Variants in NUBPL observed in about 807,000 individuals in gnomAD.
NUBPL encodes the protein NUBP iron-sulfur cluster assembly factor, mitochondrial.
A neutral mutation model predicts 45.7 loss-of-function variants in NUBPL; 31 were observed. The observed-to-expected ratio is 0.68, with a 90% CI of 0.51 to 0.92. The LOEUF (loss-of-function observed/expected upper bound fraction) is 0.92, where lower values mean the gene tolerates loss of function less well. Ranked by LOEUF, NUBPL falls within the 40% of genes least tolerant of loss-of-function variation. The pLI, the probability that NUBPL is intolerant of heterozygous loss-of-function variation, is 0.00. For missense variants in NUBPL, 401 were observed against 398.7 expected (o/e 1.01, Z -0.05); for synonymous variants, 144 against 140.9 (o/e 1.02, Z -0.15).
At chr14:31,809,239 T>A (rs573142426) in intron 7 of NUBPL, among the ~76,000 whole-genome samples, 105 of 152,322 alleles carry the variant, frequency 6.9e-4, no homozygotes, top group African/African-American at 2.4e-3. Flanking sequence ...TGTGAATCTG[T>A]CTGGTCCTGG....
intron 10 of NUBPL, among the ~76,000 whole-genome samples, chr14:31,852,666 C>T (rs1261589692): frequency 2.0e-5 from 3 of 151,828 alleles, no homozygotes; most frequent in East Asian, 1.9e-4. Flanking sequence ...AGCAAAACTC[C>T]GTCAAAAAAT....
At chr14:31,649,979 C>T (rs1025336292) in intron 4 of NUBPL, among the ~76,000 whole-genome samples, 5 of 152,144 alleles carry the variant, frequency 3.3e-5, no homozygotes, top group African/African-American at 1.2e-4. Context: ...CCTGCCTCAG[C>T]CTCCTGAGTA....
At chr14:31,810,478 T>C (rs1036152451) in intron 7 of NUBPL, among the ~76,000 whole-genome samples, 2 of 152,186 alleles carry the variant, frequency 1.3e-5, no homozygotes, top group Non-Finnish European at 2.9e-5. Flanking sequence ...TGGTAGATCT[T>C]CCTCCATCCC....
chr14:31,606,459 A>C (rs916642076), intron 4 of NUBPL, among the ~76,000 whole-genome samples: 33 of 152,098 alleles, frequency 2.2e-4, no homozygotes, highest in Non-Finnish European at 4.7e-4. Context: ...GTTATTCCTT[A>C]AGTCACTCTG....
chr14:31,684,393 T>C (rs1803453473), intron 6 of NUBPL, among the ~76,000 whole-genome samples: 1 of 152,226 alleles, frequency 6.6e-6, no homozygotes, highest in Non-Finnish European at 1.5e-5. Context: ...TTTATCCCTG[T>C]ATTGAAGTGG....
intron 4 of NUBPL, among the ~76,000 whole-genome samples, chr14:31,635,852 A>G (rs1289717018): frequency 6.6e-6 from 1 of 152,154 alleles, no homozygotes; most frequent in East Asian, 1.9e-4. Flanking sequence ...CCTTGAAGCA[A>G]TTGTGAATGG....
In NUBPL at chr14:31,781,675, A is replaced by G. The variant is rs188485589; in HGVS notation, c.514-6105A>G. On this transcript the variant is annotated intron_variant, in intron 6 of 10. Coordinates refer to ENST00000281081, the MANE Select transcript of NUBPL (RefSeq NM_025152.3). ...AAAATTATAAGTTCTGTGCTTTAAT[A>G]TCAACATTCACTGCCTAGAAAGACT... is the stretch of plus-strand genomic sequence containing the variant. Among the ~76,000 whole-genome samples, 3 of 152,354 alleles carry G rather than the reference A, an allele frequency of 2.0e-5. No individual in the cohort carries two copies. The East Asian group carries it at 5.8e-4, about 29-fold the overall frequency.
At chr14:31,641,066 C>G (rs955457721) in intron 4 of NUBPL, among the ~76,000 whole-genome samples, 2 of 152,060 alleles carry the variant, frequency 1.3e-5, no homozygotes, top group African/African-American at 2.4e-5. Flanking sequence ...ATTCTTCTGC[C>G]TCAGCCTCCC....
intron 7 of NUBPL, among the ~76,000 whole-genome samples, chr14:31,805,622 A>G (rs1002556829): frequency 1.3e-5 from 2 of 152,138 alleles, no homozygotes; most frequent in Non-Finnish European, 2.9e-5. Flanking sequence ...ACATGGATGG[A>G]GCTGGAGGCC....
intron 9 of NUBPL, among the ~76,000 whole-genome samples, chr14:31,846,955 A>G (rs2040463213): frequency 6.8e-6 from 1 of 147,632 alleles, no homozygotes; most frequent in Non-Finnish European, 1.5e-5. Context: ...GACTCCATCA[A>G]AAAAAAAACA....
At chr14:31,781,740 C>A (rs1021145782) in intron 6 of NUBPL, among the ~76,000 whole-genome samples, 1 of 151,982 alleles carries the variant, frequency 6.6e-6, no homozygotes, top group Non-Finnish European at 1.5e-5. Context: ...TTATTCACAC[C>A]CCAAGTTTCT....
At chr14:31,739,003 G>C (rs909395024) in intron 6 of NUBPL, among the ~76,000 whole-genome samples, 1 of 150,680 alleles carries the variant, frequency 6.6e-6, no homozygotes, top group South Asian at 2.1e-4. Context: ...AGAGTGTAGA[G>C]TTTTTTATTT....
intron 6 of NUBPL, among the ~76,000 whole-genome samples, chr14:31,766,783 C>T (rs1015245332): frequency 5.3e-5 from 8 of 152,130 alleles, no homozygotes; most frequent in Admixed American, 4.6e-4. Flanking sequence ...AATCTGCCTA[C>T]GATTCTTTAA....
intron 6 of NUBPL, among the ~76,000 whole-genome samples, chr14:31,721,415 A>G (rs2037804637): frequency 6.6e-6 from 1 of 152,212 alleles, no homozygotes; most frequent in South Asian, 2.1e-4. Flanking sequence ...TGGAGAGAAC[A>G]AACGTTGAGC....
chr14:31,820,143 AAAAAAAAAAAG>A (rs58873336), intron 7 of NUBPL, among the ~76,000 whole-genome samples: 53,024 of 150,350 alleles, frequency 0.35, 10,174 homozygotes, highest in South Asian at 0.44. Context: ...CCATCTCAAA[AAAAAAAAAAAG>A]AAAAAGAAAA....
chr14:31,701,372 A>T (rs1566509859), intron 6 of NUBPL, among the ~76,000 whole-genome samples: 1 of 152,216 alleles, frequency 6.6e-6, no homozygotes, highest in Non-Finnish European at 1.5e-5. Context: ...GTCAAAATGG[A>T]CCAATCAGCT....
rs575358790 is a variant in NUBPL, at chr14:31,660,209, ACTTTCTAG to A, written c.383-13145_383-13138del. Among the ~76,000 whole-genome samples, 318 of 152,104 alleles carry A rather than the reference ACTTTCTAG, an allele frequency of 2.1e-3. 1 individual carries two copies. Among genetic ancestry groups the A allele is most frequent in the African/African-American group, 7.3e-3 (304 of 41,488 alleles). ...CAAGTTTTGAGTTTTGACCCATTCC[ACTTTCTAG>A]TCTTTACTTACCTTCTCTCTTTAAA... is the stretch of plus-strand genomic sequence containing the variant. On this transcript the variant is annotated intron_variant, in intron 4 of 10. Coordinates refer to ENST00000281081, the MANE Select transcript of NUBPL (RefSeq NM_025152.3).
At chr14:31,773,509 A>G (rs1290705077) in intron 6 of NUBPL, among the ~76,000 whole-genome samples, 4 of 152,156 alleles carry the variant, frequency 2.6e-5, no homozygotes, top group Non-Finnish European at 4.4e-5. Context: ...ATATAAAAAA[A>G]TTATCCCAGA....
At chr14:31,781,561 C>T (rs939896282) in intron 6 of NUBPL, among the ~76,000 whole-genome samples, 1 of 152,248 alleles carries the variant, frequency 6.6e-6, no homozygotes, top group Non-Finnish European at 1.5e-5. Flanking sequence ...AAGAAACAGA[C>T]TTCAGAATTA....
Sources: allele counts gnomAD v4.1 joint callset (sites outside exome capture counted in the v4.1 genomes callset), GRCh38; gene constraint gnomAD v4.1.1; transcripts MANE v1.5; gene names NCBI Gene and HGNC (gene_info 2026-07-23, HGNC 2026-07-21).